Variants in IPO13 observed in about 807,000 individuals in gnomAD.
IPO13 encodes importin 13, also known as importin-13.
A neutral mutation model predicts 115.5 loss-of-function variants in IPO13; 28 were observed. The observed-to-expected ratio is 0.24, with a 90% CI of 0.18 to 0.33. The LOEUF (loss-of-function observed/expected upper bound fraction) is 0.33. Ranked by LOEUF, IPO13 falls within the 10% of genes least tolerant of loss-of-function variation. IPO13 has a pLI of 1.00. For missense variants in IPO13, 785 were observed against 1,204.6 expected, an observed-to-expected ratio of 0.65 and a Z score of 5.16; for synonymous variants, 414 against 478.9, an observed-to-expected ratio of 0.86 and a Z score of 1.77.
chr1:43,967,697 C>G lies in IPO13; in HGVS notation c.*15C>G, dbSNP rs1004109453. 3 of 1,605,876 alleles carry G rather than the reference C, an allele frequency of 1.9e-6. No individual in the cohort carries two copies. The highest frequency in any genetic ancestry group is 2.6e-6 in the Non-Finnish European group (3 of 1,172,462). On this transcript the variant is annotated 3_prime_UTR_variant, in exon 20 of 20. Transcript: ENST00000372343. This position sits in a 1 kb window ranked among gnomAD's most constrained non-coding sequence, Gnocchi z 6.1. Reference sequence around the variant, plus strand: ...CTGACTACTGAGGGGTGCCCCCATCCCATCCACCCCTTCTCTTCATCCTTC... The same window carrying G: ...CTGACTACTGAGGGGTGCCCCCATCGCATCCACCCCTTCTCTTCATCCTTC...
rs898928679 is a variant in IPO13, at chr1:43,967,699, A to C, written c.*17A>C. On this transcript the variant is annotated 3_prime_UTR_variant, in exon 20 of 20. Coordinates refer to ENST00000372343, the MANE Select transcript of IPO13 (RefSeq NM_014652.4). This position sits in a 1 kb window ranked among gnomAD's most constrained non-coding sequence, Gnocchi z 6.1. ...GACTACTGAGGGGTGCCCCCATCCC[A>C]TCCACCCCTTCTCTTCATCCTTCCC... The C allele has an allele frequency of 1.2e-6, 2 of 1,605,782 alleles. No homozygotes were observed. Among genetic ancestry groups the C allele is most frequent in the African/African-American group, 2.7e-5 (2 of 74,704 alleles).
chr1:43,948,575 AC>A (rs2085184037), intron 1 of IPO13, among the ~76,000 whole-genome samples: 1 of 152,214 alleles, frequency 6.6e-6, no homozygotes, highest in South Asian at 2.1e-4. Context: ...TGTCAGGGGT[AC>A]AAATAGAGCT....
chr1:43,964,234 A>AT (rs1202596077), intron 14 of IPO13, 35 bp from the exon 15 acceptor site: 1 of 1,501,946 alleles, frequency 6.7e-7, no homozygotes, highest in Non-Finnish European at 9.2e-7. Context: ...TGTTTGTATA[A>AT]TTTTTTCTTA....
At chr1:43,963,752 G>A (rs752667765) in intron 14 of IPO13, among the ~76,000 whole-genome samples, 1 of 152,202 alleles carries the variant, frequency 6.6e-6, no homozygotes, top group South Asian at 2.1e-4. Context: ...ATTGAAGTGA[G>A]GTGGCACTTA....
In IPO13 at chr1:43,961,187, G is replaced by A. The variant is rs142956307; in HGVS notation, c.2269G>A (p.Glu757Lys). The A allele has an allele frequency of 7.1e-5, 114 of 1,614,004 alleles. No individual in the cohort carries two copies. The highest frequency in any genetic ancestry group is 9.2e-5 in the Non-Finnish European group (108 of 1,179,994). ...TRQLVHIFAH[E>K]PAHFPPIEAL... ...GTAGCTGGTCCACATCTTTGCTCAT[G>A]AGCCTGCCCACTTTCCCCCAATTGA... The change falls in exon 14 of 20, where the codon GAG becomes AAG. Residue 757 changes from glutamate to lysine, a missense_variant. Physicochemically the swap from Glu to Lys is moderately conservative, Grantham distance 56. Coordinates refer to ENST00000372343, the MANE Select transcript of IPO13 (RefSeq NM_014652.4).
At position 43,964,871 on chromosome 1, in the gene IPO13, A is replaced by C. The variant is rs115494917; in HGVS notation, c.2397+550A>C. 4.8e-3 allele frequency among the ~76,000 whole-genome samples: 730 copies of C among 152,240 alleles called. 5 individuals are homozygous for C. The highest frequency in any genetic ancestry group is 0.017 in the African/African-American group (692 of 41,536). On this transcript the variant is annotated intron_variant, in intron 15 of 19. Coordinates refer to ENST00000372343, the MANE Select transcript of IPO13 (RefSeq NM_014652.4). ...AGGCTCCATGCTAGGATGTGTTTGC[A>C]TTTTGTATGTGTTTCAGTGTGTGAG... is the stretch of plus-strand genomic sequence containing the variant.
Position 43,957,333 on chromosome 1 carries a change from T to C in IPO13, c.1392+18T>C, listed in dbSNP as rs2154302245. ...CCTGGCAGGTACCTCCCAAGCCTGA[T>C]TCCCTCAGCCTTCCCAGACCTGTCA... is the stretch of plus-strand genomic sequence containing the variant. On this transcript the variant is annotated intron_variant, in intron 6 of 19. Coordinates refer to ENST00000372343, the MANE Select transcript of IPO13 (RefSeq NM_014652.4). The C allele has an allele frequency of 1.2e-6, 2 of 1,613,440 alleles. No individual in the cohort carries two copies. Among genetic ancestry groups the C allele is most frequent in the African/African-American group, 2.7e-5 (2 of 74,982 alleles).
chr1:43,960,162 G>A, intron 11 of IPO13, 87 bp from the exon 12 acceptor site: 1 of 1,251,610 alleles, frequency 8.0e-7, no homozygotes, highest in Non-Finnish European at 1.2e-6. Flanking sequence ...GGTCTGAACT[G>A]CTCCCCTCCT....
rs1385248051 is a variant in IPO13, at chr1:43,949,697, G to A, written c.365G>A (p.Arg122Gln). The A allele has an allele frequency of 1.9e-6, 3 of 1,614,092 alleles. No homozygotes were observed. Among genetic ancestry groups the A allele is most frequent in the Non-Finnish European group, 1.7e-6 (2 of 1,180,050 alleles). The change falls in exon 2 of 20, where the codon CGG becomes CAG. Residue 122 changes from arginine to glutamine, a missense_variant. Coordinates refer to ENST00000372343, the MANE Select transcript of IPO13 (RefSeq NM_014652.4). ...AGTGGCTCCAAGATTGTACTGACTC[G>A]GCTGTGCGTGGCACTGGCCTCACTG... is the stretch of plus-strand genomic sequence containing the variant. ...FASGSKIVLT[R>Q]LCVALASLAL...
intron 15 of IPO13, 119 bp downstream of exon 15, chr1:43,964,440 G>A: frequency 1.3e-6 from 1 of 763,294 alleles, no homozygotes; most frequent in Non-Finnish European, 2.2e-6. Flanking sequence ...CTGTTCAGTT[G>A]AATAGAGTTT....
At chr1:43,954,053 G>A (rs947000193) in intron 2 of IPO13, among the ~76,000 whole-genome samples, 1 of 152,214 alleles carries the variant, frequency 6.6e-6, no homozygotes, top group African/African-American at 2.4e-5. Context: ...CATTTGCCGA[G>A]TACCCTGCCA....
chr1:43,958,632 A>T lies in IPO13; in HGVS notation c.1884+37A>T. The T allele has an allele frequency of 6.2e-7, 1 of 1,613,374 alleles. No homozygotes were observed. Among genetic ancestry groups the T allele is most frequent in the East Asian group, 2.2e-5 (1 of 44,850 alleles). On this transcript the variant is annotated intron_variant, in intron 10 of 19. Transcript: ENST00000372343. This position sits in a 1 kb window ranked among gnomAD's most constrained non-coding sequence, Gnocchi z 6.3. ...CTGGGGGCCAGGGAGCGGTACTGAGATGCTGTGGCTGATGAGGGGTGAGGT... is the reference window on the plus strand; with the variant it reads ...CTGGGGGCCAGGGAGCGGTACTGAGTTGCTGTGGCTGATGAGGGGTGAGGT...
chr1:43,963,807 C>A (rs925984073), intron 14 of IPO13, among the ~76,000 whole-genome samples: 1 of 152,166 alleles, frequency 6.6e-6, no homozygotes, highest in Non-Finnish European at 1.5e-5. Context: ...TCAGATAAAC[C>A]TCAAAAGGAG....
At position 43,961,053 on chromosome 1, in the gene IPO13, G is replaced by A. The variant is rs201431384; in HGVS notation, c.2247+40G>A. On this transcript the variant is annotated intron_variant, in intron 13 of 19. Transcript: ENST00000372343. Reference sequence around the variant, plus strand: ...TGGGGCAGAGATCCTGACCCTGGGTGGGGGTGGGTCAGATGGCTGCCGTGG... The same window carrying A: ...TGGGGCAGAGATCCTGACCCTGGGTAGGGGTGGGTCAGATGGCTGCCGTGG... The A allele has an allele frequency of 2.4e-4, 380 of 1,612,496 alleles. 1 individual carries two copies. The highest frequency in any genetic ancestry group is 3.1e-4 in the Non-Finnish European group (360 of 1,178,604).
At chr1:43,962,006 C>G (rs2085293716) in intron 14 of IPO13, among the ~76,000 whole-genome samples, 1 of 152,126 alleles carries the variant, frequency 6.6e-6, no homozygotes, top group South Asian at 2.1e-4. Flanking sequence ...AACAAAAAAA[C>G]AGCACTGCTC....
chr1:43,956,735 G>C lies in IPO13; in HGVS notation c.1104+34G>C. 1 of 1,614,020 alleles carries C rather than the reference G, an allele frequency of 6.2e-7. No individual in the cohort carries two copies. Among genetic ancestry groups the C allele is most frequent in the Non-Finnish European group, 8.5e-7 (1 of 1,179,874 alleles). ...GTGTGACCTCCAGTAGGACTGGGCT[G>C]TGGTGGAAGAAGGTGGATCATGGGC... is the stretch of plus-strand genomic sequence containing the variant. On this transcript the variant is annotated intron_variant, in intron 4 of 19. Transcript: ENST00000372343. The surrounding 1 kb of genome is among the most constrained non-coding windows in gnomAD (Gnocchi z 4.7).
intron 2 of IPO13, among the ~76,000 whole-genome samples, chr1:43,953,834 A>C (rs748919053): frequency 6.6e-6 from 1 of 152,182 alleles, no homozygotes; most frequent in Non-Finnish European, 1.5e-5. Context: ...GACTGGAGAT[A>C]TGGGCTGAGA....
rs1438580750 is a variant in IPO13, at chr1:43,949,701, G to T, written c.369G>T (p.Leu123=). 1 of 1,614,236 alleles carries T rather than the reference G, an allele frequency of 6.2e-7. No individual in the cohort carries two copies. The highest frequency in any genetic ancestry group is 1.7e-5 in the Admixed American group (1 of 60,030). ...GCTCCAAGATTGTACTGACTCGGCT[G>T]TGCGTGGCACTGGCCTCACTGGCTC... ...ASGSKIVLTR[L]CVALASLALS... Residue 123 remains leucine, a synonymous_variant, in exon 2 of 20, where the codon CTG becomes CTT. Transcript: ENST00000372343.
Position 43,947,514 on chromosome 1 carries a change from A to G in IPO13, c.-87A>G. 1.3e-6 allele frequency: 1 copy of G among 775,702 alleles called. No homozygotes were observed. The highest frequency in any genetic ancestry group is 1.8e-6 in the Non-Finnish European group (1 of 565,518). The allele number at this position is 775,702 out of a possible 1,614,324, so 48.1% of individuals were successfully genotyped here. A position where few individuals can be genotyped will look rare whatever the true frequency, so the allele number is the denominator to read the frequency against. On this transcript the variant is annotated 5_prime_UTR_variant, in exon 1 of 20. Transcript: ENST00000372343. The stretch of plus-strand genomic sequence containing the variant: ...CACCCCACCACTCCCTGGGCACCCA[A>G]GCCGGGGTCTAGCAGGGGGCCAGCA...
Sources: allele counts gnomAD v4.1 joint callset (sites outside exome capture counted in the v4.1 genomes callset), GRCh38; gene constraint gnomAD v4.1.1; non-coding constraint Gnocchi (gnomAD v3.1); transcripts MANE v1.5; gene names NCBI Gene and HGNC (gene_info 2026-07-23, HGNC 2026-07-21).